Variants in TRMT5 observed in about 807,000 individuals in gnomAD.
The protein encoded by TRMT5 is tRNA methyltransferase 5.
A neutral mutation model predicts 42.2 loss-of-function variants in TRMT5; 31 were observed. That is an observed-to-expected ratio of 0.73 (90% CI 0.55 to 0.99). TRMT5 has a LOEUF of 0.99. Ranked by LOEUF, TRMT5 falls within the 50% of genes least tolerant of loss-of-function variation. The pLI is 0.00. For synonymous variants in TRMT5, 198 were observed against 209.6 expected, an observed-to-expected ratio of 0.94 and a Z score of 0.48; for missense variants, 568 against 595.0, an observed-to-expected ratio of 0.95 and a Z score of 0.47.
chr14:60,979,104 G>T, intron 2 of TRMT5, 127 bp downstream of exon 2: 2 of 845,330 alleles, frequency 2.4e-6, no homozygotes, highest in East Asian at 2.7e-5. Flanking sequence ...TCAAGATCTA[G>T]CTTAAAGTTA....
At position 60,975,252 on chromosome 14, in the gene TRMT5, T is replaced by TA. The variant is rs900900611; in HGVS notation, c.1445-59dup. On this transcript the variant is annotated intron_variant, in intron 4 of 4. Coordinates refer to ENST00000261249, the MANE Select transcript of TRMT5 (RefSeq NM_020810.3). Reference sequence around the variant, plus strand: ...AGATATTAACAGTTGAAAATACTCTTAAAAAAACAAACAATATAGGCATTT... The same window carrying TA: ...AGATATTAACAGTTGAAAATACTCTTAAAAAAAACAAACAATATAGGCATTT... The TA allele has an allele frequency of 8.9e-6, 13 of 1,459,334 alleles. No homozygotes were observed. The African/African-American group carries it at 1.6e-4, about 18-fold the overall frequency. 90.4% of individuals were successfully genotyped at this position (1,459,334 alleles called of 1,614,324 possible).
chr14:60,979,756 T>C lies in TRMT5; in HGVS notation c.142A>G (p.Ile48Val), dbSNP rs751816489. 5 of 1,614,072 alleles carry C rather than the reference T, an allele frequency of 3.1e-6. No individual in the cohort carries two copies. The highest frequency in any genetic ancestry group is 3.3e-4 in the Middle Eastern group (2 of 6,062). ...CTTTTTCTTTGACCCAATAAGAAAA[T>C]ACCAGGTGCTTCCAAAAGCATCTGT... Reference protein sequence around the residue: ...LTQMLLEAPGIFLLGQRKRFS... With the variant: ...LTQMLLEAPGVFLLGQRKRFS... The change falls in exon 2 of 5, where the codon ATT becomes GTT. Residue 48 changes from isoleucine (I) to valine (V), a missense_variant. Coordinates refer to ENST00000261249, the MANE Select transcript of TRMT5 (RefSeq NM_020810.3).
rs752158788 is a variant in TRMT5, at chr14:60,979,890, A to G, written c.12-4T>C. On this transcript the variant is annotated splice_polypyrimidine_tract_variant and splice_region_variant and intron_variant, in intron 1 of 4. Coordinates refer to ENST00000261249, the MANE Select transcript of TRMT5 (RefSeq NM_020810.3). Reference sequence around the variant, plus strand: ...TCCAAATGGCCTCCATAAGATCCTTAAAAAAAAAAAAAAAAAATTCACACA... The same window carrying G: ...TCCAAATGGCCTCCATAAGATCCTTGAAAAAAAAAAAAAAAAATTCACACA... 2,933 of 231,056 alleles carry G rather than the reference A, an allele frequency of 0.013. 2 individuals are homozygous for G. The highest frequency in any genetic ancestry group is 0.02 in the Non-Finnish European group (2,693 of 133,004). 14.3% of individuals were successfully genotyped at this position (231,056 alleles called of 1,614,324 possible). A position where few individuals can be genotyped will look rare whatever the true frequency, so the allele number is the denominator to read the frequency against.
chr14:60,976,114 T>A lies in TRMT5; in HGVS notation c.805A>T (p.Asn269Tyr), dbSNP rs1566589774. The A allele has an allele frequency of 6.2e-7, 1 of 1,603,364 alleles. No individual in the cohort carries two copies. The highest frequency in any genetic ancestry group is 8.5e-7 in the Non-Finnish European group (1 of 1,175,042). Residue 269 changes from asparagine to tyrosine, a missense_variant, in exon 4 of 5, where the codon AAC (asparagine) becomes TAC (tyrosine). By Grantham distance (143) the Asn-to-Tyr change is moderately radical (BLOSUM62 -2). Transcript: ENST00000261249. The part of the protein sequence containing the change: ...QNMMTKVREN[N>Y]YTYEFDFSKV... ...GAAAAATCAAATTCATAGGTGTAGT[T>A]GTTTTCTCGAACCTGAAAAAAGGTG...
Position 60,979,549 on chromosome 14 carries a change from C to A in TRMT5, c.349G>T (p.Ala117Ser). The change falls in exon 2 of 5, where the codon GCA (alanine) becomes TCA (serine). Residue 117 changes from alanine (A) to serine (S), a missense_variant. Ala to Ser is a moderately conservative substitution (Grantham distance 99, BLOSUM62 1). Coordinates refer to ENST00000261249, the MANE Select transcript of TRMT5 (RefSeq NM_020810.3). ...SKLMRSLKRA[A>S]LQRPGIRRVI... is the part of the protein sequence containing the mutation. ...CGTCTTATGCCTGGGCGCTGCAATG[C>A]TGCCCTTTTTAGGGATCGCATCAAT... The A allele has an allele frequency of 6.2e-7, 1 of 1,614,138 alleles. No individual in the cohort carries two copies. The highest frequency in any genetic ancestry group is 8.5e-7 in the Non-Finnish European group (1 of 1,180,014).
Position 60,976,057 on chromosome 14 carries a change from CTG to C in TRMT5, c.860_861del (p.Thr287ArgfsTer17). 1 of 1,614,138 alleles carries C rather than the reference CTG, an allele frequency of 6.2e-7. No homozygotes were observed. Among genetic ancestry groups the C allele is most frequent in the Non-Finnish European group, 8.5e-7 (1 of 1,180,016 alleles). On this transcript the variant is annotated frameshift_variant, in exon 4 of 5. Transcript: ENST00000261249. LOFTEE classifies it high-confidence loss of function. ...AGAAGTTCTGTGATACGGCTGTGTT[CTG>C]TAGACAGACGAGGATTCCAATAGAC... The part of the protein sequence containing the change: ...SKVYWNPRLS[T>X]EHSRITELLK...
chr14:60,976,187 ATTGGATAGGT>A, intron 3 of TRMT5, 61 bp from the exon 4 acceptor site: 2 of 1,538,414 alleles, frequency 1.3e-6, no homozygotes, highest in South Asian at 2.6e-5. Flanking sequence ...AACCATTGAT[ATTGGATAGGT>A]TGTGTATACA....
rs1242723370 is a variant in TRMT5 at position 60,973,711 on chromosome 14, C to T, written c.*1398G>A. On this transcript the variant is annotated 3_prime_UTR_variant, in exon 5 of 5. Coordinates refer to ENST00000261249, the MANE Select transcript of TRMT5 (RefSeq NM_020810.3). ...CAGAATCATTTCCTTTTTAAAGTGA[C>T]TATTTATGTCGCTTTCAATGTCCTT... The T allele has an allele frequency of 6.6e-6, 1 of 152,166 alleles. No homozygotes were observed. Among genetic ancestry groups the T allele is most frequent in the Admixed American group, 6.5e-5 (1 of 15,274 alleles). 9.4% of individuals were successfully genotyped at this position (152,166 alleles called of 1,614,324 possible). A position where few individuals can be genotyped will look rare whatever the true frequency, so the allele number is the denominator to read the frequency against.
chr14:60,981,268 G>A, upstream of TRMT5: 5 of 1,594,094 alleles, frequency 3.1e-6, no homozygotes, highest in Non-Finnish European at 4.3e-6. Context: ...GTAGTCAGCT[G>A]GAGAGCAGCA....
In TRMT5 at chr14:60,975,679, G is replaced by A; in HGVS notation, c.1240C>T (p.Pro414Ser). 6.2e-7 allele frequency: 1 copy of A among 1,614,180 alleles called. No homozygotes were observed. Among genetic ancestry groups the A allele is most frequent in the South Asian group, 1.1e-5 (1 of 91,080 alleles). Residue 414 changes from proline to serine, a missense_variant, in exon 4 of 5, where the codon CCC becomes TCC. Physicochemically the swap from Pro to Ser is moderately conservative, Grantham distance 74 (BLOSUM62 -1). Transcript: ENST00000261249. Reference sequence around the variant, plus strand: ...GAAAAGCTATAACAATGCACTATGGGAAGGAACTCACTGCTGCATGGCTGC... The same window carrying A: ...GAAAAGCTATAACAATGCACTATGGAAAGGAACTCACTGCTGCATGGCTGC... ...DGQPCSSEFL[P>S]IVHCYSFSKD...
rs138945894 is a variant in TRMT5, at chr14:60,975,168, T to G, written c.1471A>C (p.Arg491=). 3.1e-6 allele frequency: 5 copies of G among 1,608,456 alleles called. No individual in the cohort carries two copies. The African/African-American group carries it at 6.7e-5, about 22-fold the overall frequency. ...PENHEDPPLK[R]QRTAEAFSDE... ...GAAAAGGCTTCAGCCGTCCTCTGCC[T>G]TTTAAGAGGTGGATCTTCATGATTC... is the stretch of plus-strand genomic sequence containing the variant. Residue 491 remains arginine (R), a synonymous_variant, in exon 5 of 5, where the codon AGG becomes CGG. Coordinates refer to ENST00000261249, the MANE Select transcript of TRMT5 (RefSeq NM_020810.3).
chr14:60,981,683 C>T (rs1432114108), upstream of TRMT5: 1 of 1,380,014 alleles, frequency 7.2e-7, no homozygotes, highest in Admixed American at 2.2e-5. Flanking sequence ...TATGTACTCA[C>T]TGCTGTTAGT....
chr14:60,978,356 ACCAG>A, intron 2 of TRMT5, among the ~76,000 whole-genome samples: 1 of 152,284 alleles, frequency 6.6e-6, no homozygotes, highest in South Asian at 2.1e-4. Flanking sequence ...CTGAAATACA[ACCAG>A]CATTTGTCCC....
chr14:60,976,189 T>A, intron 3 of TRMT5, 63 bp from the exon 4 acceptor site: 1 of 1,532,228 alleles, frequency 6.5e-7, no homozygotes, highest in Non-Finnish European at 8.8e-7. Flanking sequence ...CCATTGATAT[T>A]GGATAGGTTG....
rs1376338149 is a variant in TRMT5 at position 60,980,966 on chromosome 14, A to G, written c.8T>C (p.Leu3Pro). 18 of 1,612,370 alleles carry G rather than the reference A, an allele frequency of 1.1e-5. No individual in the cohort carries two copies. The highest frequency in any genetic ancestry group is 1.2e-5 in the Non-Finnish European group (14 of 1,179,996). ...CCTAACGCGGCCGCCACCTCACCAAAGCACCATTCCAATTCCCCACGTCGC... is the reference window on the plus strand; with the variant it reads ...CCTAACGCGGCCGCCACCTCACCAAGGCACCATTCCAATTCCCCACGTCGC... MV[L>P]WILWRPFGFS... Residue 3 changes from leucine to proline, a missense_variant, in exon 1 of 5, where the codon CTT becomes CCT. Leu to Pro is a moderately conservative substitution (Grantham distance 98). Transcript: ENST00000261249.
intron 2 of TRMT5, 111 bp downstream of exon 2, chr14:60,979,120 A>G: frequency 1.0e-6 from 1 of 956,550 alleles, no homozygotes; most frequent in African/African-American, 1.7e-5. Context: ...AGTTAACATG[A>G]TAAAATGTTC....
At chr14:60,977,809 T>G (rs1161600404) in intron 2 of TRMT5, among the ~76,000 whole-genome samples, 171 bp from the exon 3 acceptor site, 2 of 152,230 alleles carry the variant, frequency 1.3e-5, no homozygotes, top group South Asian at 2.1e-4. Context: ...CTAAAGTTAA[T>G]GTCTGACGGT....
At chr14:60,979,089 G>A in intron 2 of TRMT5, 142 bp downstream of exon 2, 1 of 742,608 alleles carries the variant, frequency 1.3e-6, no homozygotes, top group South Asian at 2.0e-5. Context: ...AAGAGGGTAT[G>A]TAGCTCAAGA....
At chr14:60,978,001 G>C (rs944107861) in intron 2 of TRMT5, among the ~76,000 whole-genome samples, 1 of 152,120 alleles carries the variant, frequency 6.6e-6, no homozygotes, top group Non-Finnish European at 1.5e-5. Flanking sequence ...AAAGGACCCT[G>C]GCAACAAATG....
Sources: allele counts gnomAD v4.1 joint callset (sites outside exome capture counted in the v4.1 genomes callset), GRCh38; gene constraint gnomAD v4.1.1; transcripts MANE v1.5; gene names NCBI Gene and HGNC (gene_info 2026-07-23, HGNC 2026-07-21).